GRM7: variants seen among roughly 807,000 people sequenced by gnomAD.
The protein encoded by GRM7 is metabotropic glutamate receptor 7.
In GRM7, 35 loss-of-function variants were observed where a neutral mutation model predicts 84.5. The observed-to-expected ratio is 0.41, with a 90% confidence interval of 0.32 to 0.55. The LOEUF is 0.55. Among genes scored for constraint, GRM7 ranks in the 20% least tolerant of loss-of-function variants. The pLI is 0.19. For missense variants in GRM7, 1,003 were observed against 1,194.6 expected (o/e 0.84, Z 2.36); for synonymous variants, 487 against 455.1 (o/e 1.07, Z -0.89).
chr3:7,152,229 C>A (rs1033068825), intron 2 of GRM7, among the ~76,000 whole-genome samples: 2 of 152,124 alleles, frequency 1.3e-5, no homozygotes, highest in Non-Finnish European at 2.9e-5. Flanking sequence ...TTGAGTATGT[C>A]CCCTTCCCCC....
chr3:7,572,222 G>A (rs776207928), intron 7 of GRM7, among the ~76,000 whole-genome samples: 2 of 152,102 alleles, frequency 1.3e-5, no homozygotes, highest in Non-Finnish European at 1.5e-5. Flanking sequence ...TTAGTTCAGT[G>A]GTTCCCAACT....
Position 7,461,772 on chromosome 3 carries a change from CTT to C in GRM7, c.1515+53_1515+54del, listed in dbSNP as rs528165423. 2.8e-5 allele frequency: 44 copies of C among 1,546,196 alleles called. No homozygotes were observed. The South Asian group carries it at 4.5e-4, about 16-fold the overall frequency. On this transcript the variant is annotated intron_variant, in intron 7 of 9. Transcript: ENST00000357716. ...TCCCTTGTTGAGATGAATGAACAGA[CTT>C]TTAATTTGCTCAGTTATACAAATGT...
intron 7 of GRM7, among the ~76,000 whole-genome samples, chr3:7,546,972 T>G (rs960550665): frequency 6.6e-6 from 1 of 152,024 alleles, no homozygotes; most frequent in Non-Finnish European, 1.5e-5. Context: ...TTTTGGGAGG[T>G]GGGATGCTTG....
chr3:7,508,399 A>T lies in GRM7; in HGVS notation c.1515+46677A>T, dbSNP rs557991725. Among the ~76,000 whole-genome samples, 26 of 152,296 alleles carry T rather than the reference A, an allele frequency of 1.7e-4. No individual in the cohort carries two copies. In the South Asian group the frequency reaches 5.4e-3, roughly 32 times the overall value. On this transcript the variant is annotated intron_variant, in intron 7 of 9. Coordinates refer to ENST00000357716, the MANE Select transcript of GRM7 (RefSeq NM_000844.4). ...TCAAGTGATATTTTACCTTATATTTAAAAACAAAAATAATTTTTTGTCAAT... is the reference window on the plus strand; with the variant it reads ...TCAAGTGATATTTTACCTTATATTTTAAAACAAAAATAATTTTTTGTCAAT...
chr3:7,341,499 C>A (rs1692631837), intron 4 of GRM7, among the ~76,000 whole-genome samples: 1 of 151,918 alleles, frequency 6.6e-6, no homozygotes, highest in African/African-American at 2.4e-5. Context: ...CAATCCCACA[C>A]ACGGCCTGAC....
intron 7 of GRM7, among the ~76,000 whole-genome samples, chr3:7,532,139 G>T (rs529749795): frequency 2.0e-5 from 3 of 152,144 alleles, no homozygotes; most frequent in Non-Finnish European, 4.4e-5. Flanking sequence ...CTCATAAAAT[G>T]AGTTAGGGAG....
intron 4 of GRM7, among the ~76,000 whole-genome samples, chr3:7,336,196 C>T (rs561600299): frequency 7.9e-5 from 12 of 151,822 alleles, no homozygotes; most frequent in South Asian, 2.1e-4. Context: ...TAATATGCCA[C>T]GATCAAGTGG....
At chr3:7,132,868 G>A (rs1459393295) in intron 1 of GRM7, among the ~76,000 whole-genome samples, 1 of 152,126 alleles carries the variant, frequency 6.6e-6, no homozygotes, top group Non-Finnish European at 1.5e-5. Flanking sequence ...GTTGAAAACT[G>A]GAATTGCCAT....
intron 1 of GRM7, among the ~76,000 whole-genome samples, chr3:7,008,084 G>C (rs539139603): frequency 1.3e-5 from 2 of 151,576 alleles, no homozygotes; most frequent in East Asian, 3.9e-4. Flanking sequence ...CTGTTTATTT[G>C]AATGATGCCT....
chr3:7,402,926 A>G (rs1695513364), intron 4 of GRM7: 1 of 155,330 alleles, frequency 6.4e-6, no homozygotes, highest in Non-Finnish European at 1.4e-5. Context: ...TGTGATTAGG[A>G]AGAAAATGAA....
chr3:6,952,494 C>G (rs1224610711), intron 1 of GRM7, among the ~76,000 whole-genome samples: 2 of 152,172 alleles, frequency 1.3e-5, no homozygotes, highest in Admixed American at 6.5e-5. Context: ...CTGCAGTAAT[C>G]TCTCCAGTTG....
intron 1 of GRM7, among the ~76,000 whole-genome samples, chr3:7,000,450 G>T (rs1048779968): frequency 1.3e-5 from 2 of 152,134 alleles, no homozygotes; most frequent in Non-Finnish European, 2.9e-5. Context: ...ACCTTCCAAA[G>T]TGCTGGGATT....
intron 7 of GRM7, among the ~76,000 whole-genome samples, chr3:7,477,304 T>C (rs1423331546): frequency 6.6e-6 from 1 of 152,088 alleles, no homozygotes; most frequent in Admixed American, 6.5e-5. Context: ...CTTACCAAAG[T>C]CTTACTAGAT....
intron 1 of GRM7, among the ~76,000 whole-genome samples, chr3:7,111,020 G>A (rs1225036593): frequency 6.6e-6 from 1 of 152,098 alleles, no homozygotes; most frequent in Non-Finnish European, 1.5e-5. Flanking sequence ...AAGGGAAAGA[G>A]CTGTGTTTCA....
chr3:7,108,493 A>ATTT (rs35770215), intron 1 of GRM7, among the ~76,000 whole-genome samples: 8 of 140,008 alleles, frequency 5.7e-5, no homozygotes, highest in African/African-American at 1.3e-4. Context: ...GGACTCAACC[A>ATTT]TTTTTTTTTT....
intron 8 of GRM7, among the ~76,000 whole-genome samples, chr3:7,659,177 C>T (rs983870282): frequency 6.6e-6 from 1 of 152,150 alleles, no homozygotes; most frequent in Admixed American, 6.5e-5. Context: ...TGAAAATGTT[C>T]CCCATGAGCA....
rs1488306629 is a variant in GRM7 at position 7,670,479 on chromosome 3, GTCT to G, written c.2452-9565_2452-9563del. Among the ~76,000 whole-genome samples the G allele has an allele frequency of 1.4e-4, 21 of 152,292 alleles. No individual in the cohort carries two copies. The East Asian group carries it at 4.1e-3, about 29-fold the overall frequency. Reference sequence around the variant, plus strand: ...TTTGTTTCTGTGAGAATCTGACATTGTCTTCTTGTCGATGACACTGTTGGATCT... The same window carrying G: ...TTTGTTTCTGTGAGAATCTGACATTGTCTTGTCGATGACACTGTTGGATCT... On this transcript the variant is annotated intron_variant, in intron 8 of 9. Transcript: ENST00000357716.
intron 1 of GRM7, among the ~76,000 whole-genome samples, chr3:6,929,952 A>C (rs530050186): frequency 1.3e-5 from 2 of 152,206 alleles, no homozygotes; most frequent in Admixed American, 6.5e-5. Flanking sequence ...TACAAGGCAG[A>C]CCCCACAAAC....
chr3:7,213,638 A>G (rs1409973569), intron 2 of GRM7, among the ~76,000 whole-genome samples: 1 of 152,158 alleles, frequency 6.6e-6, no homozygotes, highest in Non-Finnish European at 1.5e-5. Flanking sequence ...AGGAGGATAG[A>G]GGAAGACGAT....
Sources: gnomAD v4.1 joint callset for allele counts (sites outside exome capture counted in the v4.1 genomes callset) on GRCh38, gnomAD v4.1.1 for gene constraint, MANE v1.5 for transcripts, NCBI Gene and HGNC (gene_info 2026-07-23, HGNC 2026-07-21) for gene names.